Variants in FAM178B observed in about 807,000 individuals in gnomAD.
FAM178B encodes the protein family with sequence similarity 178 member B, also known as protein FAM178B.
In FAM178B, 82 loss-of-function variants were observed where a neutral mutation model predicts 91.7. The ratio of observed to expected loss-of-function variants is 0.89; its 90% CI spans 0.75 to 1.07. The LOEUF (loss-of-function observed/expected upper bound fraction) is 1.07. Among genes scored for constraint, FAM178B ranks in the 50% least tolerant of loss-of-function variants. FAM178B has a pLI of 0.00. For missense variants in FAM178B, 769 were observed against 846.7 expected (o/e 0.91, Z 1.14); for synonymous variants, 368 against 359.4 (o/e 1.02, Z -0.27).
At chr2:96,964,603 T>C (rs887861190) in intron 5 of FAM178B, among the ~76,000 whole-genome samples, 5 of 150,400 alleles carry the variant, frequency 3.3e-5, no homozygotes, top group Non-Finnish European at 5.9e-5. Context: ...GCTCCCTTGG[T>C]CACTACCATT....
At chr2:96,913,343 C>A (rs963848966) in intron 12 of FAM178B, among the ~76,000 whole-genome samples, 2 of 152,150 alleles carry the variant, frequency 1.3e-5, no homozygotes, top group Admixed American at 6.6e-5. Flanking sequence ...AAGGTGGGGA[C>A]AAGGGACATG....
At chr2:96,959,908 T>C (rs1262106551) in intron 6 of FAM178B, among the ~76,000 whole-genome samples, 1 of 152,040 alleles carries the variant, frequency 6.6e-6, no homozygotes, top group Non-Finnish European at 1.5e-5. Flanking sequence ...CTCCAACAAG[T>C]ATGTGGAAGG....
intron 9 of FAM178B, among the ~76,000 whole-genome samples, chr2:96,926,130 C>G (rs1002345883): frequency 6.6e-5 from 10 of 152,092 alleles, no homozygotes; most frequent in African/African-American, 2.2e-4. Context: ...ATGGTGAAAC[C>G]CCATCTCTAC....
intron 6 of FAM178B, among the ~76,000 whole-genome samples, chr2:96,956,163 G>A (rs1241679630): frequency 2.6e-5 from 4 of 152,206 alleles, no homozygotes; most frequent in Non-Finnish European, 4.4e-5. Context: ...GTGGGATGTG[G>A]GCTTTGGTCC....
At chr2:96,880,254 CT>C (rs1399759243) in intron 14 of FAM178B, among the ~76,000 whole-genome samples, 1 of 151,988 alleles carries the variant, frequency 6.6e-6, no homozygotes, top group Non-Finnish European at 1.5e-5. Context: ...AAAGATGGCC[CT>C]GTGCAGGCAG....
intron 13 of FAM178B, among the ~76,000 whole-genome samples, chr2:96,897,272 G>A (rs943409664): frequency 1.3e-5 from 2 of 151,990 alleles, no homozygotes; most frequent in East Asian, 1.9e-4. Flanking sequence ...ACCTAGCACC[G>A]TGCCTGGCAC....
chr2:96,981,350 A>T (rs890767923), intron 1 of FAM178B, among the ~76,000 whole-genome samples: 1 of 152,214 alleles, frequency 6.6e-6, no homozygotes, highest in African/African-American at 2.4e-5. Context: ...ATGCACGTGA[A>T]CACTCAATCA....
chr2:96,964,080 T>C (rs1320750338), intron 5 of FAM178B, among the ~76,000 whole-genome samples: 1 of 151,948 alleles, frequency 6.6e-6, no homozygotes, highest in Non-Finnish European at 1.5e-5. Context: ...CTCGGGAGGC[T>C]GAAGCATGAG....
intron 12 of FAM178B, among the ~76,000 whole-genome samples, chr2:96,911,679 G>A (rs912564317): frequency 3.9e-5 from 6 of 152,192 alleles, no homozygotes; most frequent in Admixed American, 1.3e-4. Context: ...ATGCTCTGGC[G>A]GAAATCCAAG....
At chr2:96,923,449 A>G (rs1164644037) in intron 10 of FAM178B, 41 bp downstream of exon 10, 31 of 1,465,240 alleles carry the variant, frequency 2.1e-5, no homozygotes, top group Non-Finnish European at 2.6e-5. Flanking sequence ...TCTGAACTGT[A>G]AGCCGAGAGT....
chr2:96,921,925 T>C (rs1181767396), intron 10 of FAM178B, among the ~76,000 whole-genome samples: 1 of 152,070 alleles, frequency 6.6e-6, no homozygotes, highest in Admixed American at 6.5e-5. Context: ...CCTACTGGGC[T>C]GCATTCCCAG....
At chr2:96,952,721 T>G (rs780780240) in intron 6 of FAM178B, among the ~76,000 whole-genome samples, 2 of 152,172 alleles carry the variant, frequency 1.3e-5, no homozygotes, top group African/African-American at 2.4e-5. Context: ...TGGGGTAGGA[T>G]TCTCCTACGT....
chr2:96,879,673 G>A (rs922348046), intron 14 of FAM178B, among the ~76,000 whole-genome samples: 2 of 152,264 alleles, frequency 1.3e-5, no homozygotes, highest in African/African-American at 2.4e-5. Flanking sequence ...TAAGGCCCAC[G>A]GGTGGTCTGA....
chr2:96,986,142 A>T, intron 1 of FAM178B, 99 bp downstream of exon 1: 2 of 1,516,040 alleles, frequency 1.3e-6, no homozygotes, highest in Non-Finnish European at 1.8e-6. Flanking sequence ...ACCGGGGCTG[A>T]CCTGCAAGGC....
intron 6 of FAM178B, among the ~76,000 whole-genome samples, chr2:96,956,018 C>A (rs910478115): frequency 6.6e-6 from 1 of 152,214 alleles, no homozygotes; most frequent in African/African-American, 2.4e-5. Flanking sequence ...GGAAAGCACG[C>A]TGGTCCTCGC....
chr2:96,889,361 A>C (rs991409748), intron 14 of FAM178B, among the ~76,000 whole-genome samples: 17 of 152,126 alleles, frequency 1.1e-4, no homozygotes, highest in Admixed American at 6.5e-5. Flanking sequence ...AAGGGGAAAA[A>C]CAGAATTAAA....
chr2:96,949,084 G>T (rs1279982389), intron 7 of FAM178B, among the ~76,000 whole-genome samples: 1 of 152,070 alleles, frequency 6.6e-6, no homozygotes, highest in African/African-American at 2.4e-5. Context: ...ATTCATTGAG[G>T]GTGTACACCT....
intron 3 of FAM178B, among the ~76,000 whole-genome samples, chr2:96,971,404 G>A (rs2082216156): frequency 3.3e-5 from 5 of 151,442 alleles, no homozygotes; most frequent in Admixed American, 3.3e-4. Context: ...CCCATTCTTA[G>A]AATAACTGTT....
intron 1 of FAM178B, among the ~76,000 whole-genome samples, chr2:96,980,846 T>G (rs1313380488): frequency 6.6e-6 from 1 of 152,148 alleles, no homozygotes; most frequent in Non-Finnish European, 1.5e-5. Context: ...TTTTGTAAAG[T>G]GCCAATTCAA....
Sources: gnomAD v4.1 joint callset for allele counts (sites outside exome capture counted in the v4.1 genomes callset) on GRCh38, gnomAD v4.1.1 for gene constraint, MANE v1.5 for transcripts, NCBI Gene and HGNC (gene_info 2026-07-23, HGNC 2026-07-21) for gene names.